CDKL4: variants seen among roughly 807,000 people sequenced by gnomAD.
CDKL4 encodes the protein cyclin-dependent kinase-like 4.
Under a neutral mutation model 42.0 loss-of-function variants are expected in CDKL4, and 44 were observed. The observed-to-expected ratio is 1.05, with a 90% CI of 0.82 to 1.35. The LOEUF is 1.35. CDKL4 is among the 40% of genes most tolerant of loss of function. CDKL4 has a pLI of 0.00. For missense variants in CDKL4, 393 were observed against 369.9 expected (o/e 1.06, Z -0.51); for synonymous variants, 120 against 121.6 (o/e 0.99, Z 0.09).
chr2:39,243,813 C>G (rs1344953806), intron 1 of CDKL4, among the ~76,000 whole-genome samples, 58 bp downstream of exon 1: 1 of 152,186 alleles, frequency 6.6e-6, no homozygotes, highest in Non-Finnish European at 1.5e-5. Flanking sequence ...CGCGGCTCAC[C>G]CCATCAACCC....
At chr2:39,196,769 G>A (rs377051028) in intron 5 of CDKL4, among the ~76,000 whole-genome samples, 12 of 152,168 alleles carry the variant, frequency 7.9e-5, no homozygotes, top group East Asian at 1.9e-4. Context: ...TGCCACGCCC[G>A]GCTAATTTTT....
chr2:39,168,397 G>A, the CDKL4 span, among the ~76,000 whole-genome samples: 11 of 152,266 alleles, frequency 7.2e-5, no homozygotes, highest in Non-Finnish European at 1.2e-4. Flanking sequence ...TGTTGAGTAG[G>A]ATTACCAATT....
At chr2:39,183,083 C>T (rs1476720486) in intron 8 of CDKL4, among the ~76,000 whole-genome samples, 1 of 152,144 alleles carries the variant, frequency 6.6e-6, no homozygotes, top group Admixed American at 6.6e-5. Context: ...AGATGGAGAC[C>T]ATCCTGGCCA....
At position 39,190,325 on chromosome 2, in the gene CDKL4, T is replaced by C. The variant is rs777409722; in HGVS notation, c.632A>G (p.Tyr211Cys). The change falls in exon 6 of 10, where the codon TAT (tyrosine) becomes TGT (cysteine). Residue 211 changes from tyrosine (Y) to cysteine (C), a missense_variant. Transcript: ENST00000451199. ...CATACCTAGTGTTCTGATTATCAGA[T>C]AAAGTTGGTCCACATCTGATTTTCC... 9.9e-6 allele frequency: 16 copies of C among 1,614,104 alleles called. No homozygotes were observed. The South Asian group carries it at 1.8e-4, about 18-fold the overall frequency.
intron 1 of CDKL4, among the ~76,000 whole-genome samples, chr2:39,241,007 A>C (rs1679632008): frequency 6.6e-6 from 1 of 152,218 alleles, no homozygotes; most frequent in Non-Finnish European, 1.5e-5. Flanking sequence ...AGATGGAAAA[A>C]CAAAATGCGA....
intron 1 of CDKL4, 65 bp from the exon 2 acceptor site, chr2:39,229,653 C>T: frequency 2.9e-6 from 2 of 692,544 alleles, no homozygotes; most frequent in Non-Finnish European, 4.7e-6. Context: ...AGGTTATATA[C>T]AACCAATTTG....
intron 4 of CDKL4, among the ~76,000 whole-genome samples, chr2:39,209,613 A>G (rs1264453515): frequency 6.6e-6 from 1 of 152,230 alleles, no homozygotes; most frequent in Non-Finnish European, 1.5e-5. Flanking sequence ...AAAAGCTCCC[A>G]GGTGATCTCT....
At chr2:39,228,621 G>A (rs1678903381) in intron 2 of CDKL4, among the ~76,000 whole-genome samples, 1 of 152,078 alleles carries the variant, frequency 6.6e-6, no homozygotes, top group East Asian at 1.9e-4. Flanking sequence ...AGAATCTCGG[G>A]CCCACCCCAG....
chr2:39,234,089 T>A (rs1679231043), intron 1 of CDKL4, among the ~76,000 whole-genome samples: 1 of 151,378 alleles, frequency 6.6e-6, no homozygotes, highest in Non-Finnish European at 1.5e-5. Flanking sequence ...AATTTTTGTA[T>A]TTTTTAGTAC....
intron 6 of CDKL4, among the ~76,000 whole-genome samples, chr2:39,188,693 T>C (rs1382948349): frequency 6.6e-6 from 1 of 151,564 alleles, no homozygotes; most frequent in Non-Finnish European, 1.5e-5. Flanking sequence ...ACAACAATAG[T>C]TGTTATTATT....
At chr2:39,216,978 C>T (rs753983275) in intron 3 of CDKL4, among the ~76,000 whole-genome samples, 1 of 152,138 alleles carries the variant, frequency 6.6e-6, no homozygotes, top group Non-Finnish European at 1.5e-5. Flanking sequence ...GGCAAAACAA[C>T]ACCACTGATC....
chr2:39,219,137 A>C (rs1678146838), intron 3 of CDKL4, among the ~76,000 whole-genome samples: 1 of 152,222 alleles, frequency 6.6e-6, no homozygotes, highest in African/African-American at 2.4e-5. Context: ...ATAGGAGCTC[A>C]ATTAAGCTTG....
At position 39,240,503 on chromosome 2, in the gene CDKL4, C is replaced by CA. The variant is rs1679606877; in HGVS notation, c.-57+3367dup. On this transcript the variant is annotated intron_variant, in intron 1 of 9. Transcript: ENST00000451199. Reference sequence around the variant, plus strand: ...AGGAAAAATTTTAAAATAGATCTAACAATGACATGTAAGCAAATGTTCACA... The same window carrying CA: ...AGGAAAAATTTTAAAATAGATCTAACAAATGACATGTAAGCAAATGTTCACA... 2.0e-5 allele frequency among the ~76,000 whole-genome samples: 3 copies of CA among 150,460 alleles called. No homozygotes were observed. The South Asian group carries it at 6.3e-4, about 32-fold the overall frequency.
chr2:39,225,772 T>C (rs1200511131), intron 3 of CDKL4, 67 bp downstream of exon 3: 19 of 1,477,332 alleles, frequency 1.3e-5, no homozygotes, highest in East Asian at 2.4e-5. Context: ...AAATTTGCCA[T>C]GGTTAATTCC....
chr2:39,237,205 C>A (rs1233105517), intron 1 of CDKL4, among the ~76,000 whole-genome samples: 1 of 152,104 alleles, frequency 6.6e-6, no homozygotes, highest in Non-Finnish European at 1.5e-5. Flanking sequence ...AGATTATATA[C>A]CGTGACTCTG....
At chr2:39,210,661 G>A (rs1036584464) in intron 4 of CDKL4, among the ~76,000 whole-genome samples, 19 of 152,188 alleles carry the variant, frequency 1.2e-4, no homozygotes, top group African/African-American at 4.6e-4. Context: ...TAGGGATAAA[G>A]TATAAACACT....
chr2:39,173,451 G>C (rs1396110326), downstream of CDKL4, among the ~76,000 whole-genome samples: 1 of 152,036 alleles, frequency 6.6e-6, no homozygotes, highest in African/African-American at 2.4e-5. Flanking sequence ...GCCAGGCAGG[G>C]AGATTGCTTG....
chr2:39,220,299 G>T lies in CDKL4; in HGVS notation c.290+5540C>A, dbSNP rs552069066. 3.9e-5 allele frequency among the ~76,000 whole-genome samples: 6 copies of T among 152,216 alleles called. No homozygotes were observed. In the South Asian group the frequency reaches 1.0e-3, roughly 26 times the overall value. ...CTCTCAGATCTCACCTGAGGCAGGT[G>T]CATTTTGTGGGGATGCCCGCTCTCT... On this transcript the variant is annotated intron_variant, in intron 3 of 9. Coordinates refer to ENST00000451199, the Ensembl canonical transcript of CDKL4.
At chr2:39,175,220 C>A (rs186890932), downstream of CDKL4, among the ~76,000 whole-genome samples, 645 of 152,210 alleles carry the variant, frequency 4.2e-3, 3 homozygotes, top group Non-Finnish European at 7.2e-3. Context: ...AGACAACACA[C>A]CCAGGAGGAT....
Sources: gnomAD v4.1 joint callset for allele counts (sites outside exome capture counted in the v4.1 genomes callset) on GRCh38, gnomAD v4.1.1 for gene constraint, MANE v1.5 for transcripts, NCBI Gene and HGNC (gene_info 2026-07-23, HGNC 2026-07-21) for gene names.